The following RBFOX1 variants were observed in gnomAD, a reference collection of about 807,000 sequenced individuals.
RBFOX1 encodes RNA binding protein fox-1 homolog 1.
In RBFOX1, 8 loss-of-function variants were observed where a neutral mutation model predicts 57.7. The ratio of observed to expected loss-of-function variants is 0.14; its 90% CI spans 0.08 to 0.25. The LOEUF is 0.25. RBFOX1 is among the 10% of genes least tolerant of loss of function. RBFOX1 has a pLI of 1.00. For synonymous variants in RBFOX1, 326 were observed against 222.4 expected, an observed-to-expected ratio of 1.47 and a Z score of -4.15; for missense variants, 611 against 548.5, an observed-to-expected ratio of 1.11 and a Z score of -1.14.
chr16:7,335,751 T>C (rs1205524514), intron 4 of RBFOX1, among the ~76,000 whole-genome samples: 2 of 152,190 alleles, frequency 1.3e-5, no homozygotes, highest in Non-Finnish European at 2.9e-5. Context: ...CAATAATTGA[T>C]AGTTATCATC....
At chr16:7,014,636 T>C (rs1258637033) in intron 3 of RBFOX1, among the ~76,000 whole-genome samples, 2 of 152,154 alleles carry the variant, frequency 1.3e-5, no homozygotes, top group Non-Finnish European at 2.9e-5. Context: ...TGGGAAAATA[T>C]ATTTTGGATT....
At chr16:6,508,869 C>CAAAAAAAAAAAAAAAAAAAAA (rs34095008) in intron 2 of RBFOX1, among the ~76,000 whole-genome samples, 2 of 144,348 alleles carry the variant, frequency 1.4e-5, no homozygotes, top group African/African-American at 5.0e-5. Context: ...CGAATCATAA[C>CAAAAAAAAAAAAAAAAAAAAA]AAAAAAAAAA....
intron 2 of RBFOX1, among the ~76,000 whole-genome samples, chr16:5,482,430 G>A (rs942798234): frequency 1.3e-5 from 2 of 152,180 alleles, no homozygotes; most frequent in South Asian, 2.1e-4. Flanking sequence ...GGCAAATGGC[G>A]AGGTGCAAAT....
chr16:5,322,723 C>G (rs980827621), intron 1 of RBFOX1, among the ~76,000 whole-genome samples: 18 of 152,170 alleles, frequency 1.2e-4, no homozygotes, highest in South Asian at 2.1e-4. Flanking sequence ...CATGCGACTT[C>G]TAATGTATCA....
chr16:6,197,675 A>G (rs1417364488), intron 1 of RBFOX1, among the ~76,000 whole-genome samples: 1 of 149,678 alleles, frequency 6.7e-6, no homozygotes, highest in African/African-American at 2.5e-5. Flanking sequence ...AGGGGTTCAT[A>G]TGTTGTTTTC....
Position 7,667,876 on chromosome 16 carries a change from G to T in RBFOX1, c.930+2908G>T, listed in dbSNP as rs1005515274. The stretch of plus-strand genomic sequence containing the variant: ...TTTAGTAAAGACAGGATTTCACCAT[G>T]TTGGCCAGGGTGGTCTGGAACTCCT... On this transcript the variant is annotated intron_variant, in intron 13 of 15. Transcript: ENST00000550418. Among the ~76,000 whole-genome samples the T allele has an allele frequency of 1.1e-4, 16 of 152,190 alleles. No homozygotes were observed. The East Asian group carries it at 3.1e-3, about 30-fold the overall frequency.
At chr16:7,301,370 C>G (rs964967389) in intron 4 of RBFOX1, among the ~76,000 whole-genome samples, 3 of 152,174 alleles carry the variant, frequency 2.0e-5, no homozygotes, top group Admixed American at 6.5e-5. Flanking sequence ...GAGCCCGACT[C>G]CAAATAATTT....
Position 6,856,334 on chromosome 16 carries a change from C to T in RBFOX1, c.-15-195723C>T, listed in dbSNP as rs77784144. 3.3e-5 allele frequency among the ~76,000 whole-genome samples: 5 copies of T among 152,144 alleles called. No individual in the cohort carries two copies. In the East Asian group the frequency reaches 9.7e-4, roughly 30 times the overall value. ...TTCCCAATTCATATTGTTTTGAAGC[C>T]ACGTCTGAATTCTGAGTAACTAGGA... On this transcript the variant is annotated intron_variant, in intron 3 of 15. Transcript: ENST00000550418.
At chr16:6,027,172 C>G (rs2095212655) in intron 1 of RBFOX1, among the ~76,000 whole-genome samples, 1 of 152,138 alleles carries the variant, frequency 6.6e-6, no homozygotes, top group South Asian at 2.1e-4. Context: ...GGTTGGGACC[C>G]TAATAGCTAT....
At chr16:7,345,624 T>C (rs996804549) in intron 4 of RBFOX1, among the ~76,000 whole-genome samples, 3 of 151,962 alleles carry the variant, frequency 2.0e-5, no homozygotes, top group Admixed American at 2.0e-4. Context: ...AGCCGCCGAG[T>C]CCCCTCTCTG....
intron 3 of RBFOX1, among the ~76,000 whole-genome samples, chr16:5,860,795 G>C (rs2057193612): frequency 6.6e-6 from 1 of 152,108 alleles, no homozygotes; most frequent in Non-Finnish European, 1.5e-5. Context: ...AAAAAGCCAA[G>C]CTCCAGGGCT....
At chr16:6,487,144 CTGTGTGTGTGTGTGTG>C (rs60180975) in intron 2 of RBFOX1, among the ~76,000 whole-genome samples, 4 of 140,100 alleles carry the variant, frequency 2.9e-5, no homozygotes, top group African/African-American at 8.0e-5. Flanking sequence ...TGTGGGGTTT[CTGTGTGTGTGTGTGTG>C]TGTGTGTGTG....
chr16:5,897,466 G>C (rs919233288), intron 4 of RBFOX1, among the ~76,000 whole-genome samples: 4 of 152,124 alleles, frequency 2.6e-5, no homozygotes, highest in Non-Finnish European at 5.9e-5. Flanking sequence ...TACCTCATGG[G>C]AAACATATGA....
intron 1 of RBFOX1, among the ~76,000 whole-genome samples, chr16:6,121,313 A>C (rs2096547369): frequency 6.6e-6 from 1 of 152,172 alleles, no homozygotes; most frequent in African/African-American, 2.4e-5. Flanking sequence ...TATTCTTTAC[A>C]AGGTGCCCCA....
chr16:5,495,040 C>T (rs2042957892), intron 2 of RBFOX1, among the ~76,000 whole-genome samples: 1 of 152,144 alleles, frequency 6.6e-6, no homozygotes, highest in African/African-American at 2.4e-5. Flanking sequence ...AAAGACATAC[C>T]TCAGACTGGG....
At chr16:7,260,594 C>T (rs915503431) in intron 4 of RBFOX1, among the ~76,000 whole-genome samples, 2 of 152,162 alleles carry the variant, frequency 1.3e-5, no homozygotes, top group East Asian at 1.9e-4. Flanking sequence ...CATGTAGAGA[C>T]GCTATGTAGG....
chr16:7,460,389 ATGTGTG>A (rs1235047786), intron 4 of RBFOX1, among the ~76,000 whole-genome samples: 86 of 87,020 alleles, frequency 9.9e-4, no homozygotes, highest in South Asian at 2.3e-3. Flanking sequence ...ATATATATAT[ATGTGTG>A]TGTGTGTGTG....
At chr16:5,948,334 G>A (rs1460130024) in intron 4 of RBFOX1, among the ~76,000 whole-genome samples, 1 of 152,164 alleles carries the variant, frequency 6.6e-6, no homozygotes, top group African/African-American at 2.4e-5. Context: ...CATGGCCTTT[G>A]GCTCCTGGCC....
chr16:6,741,260 T>C (rs1397042949), intron 3 of RBFOX1, among the ~76,000 whole-genome samples: 1 of 152,116 alleles, frequency 6.6e-6, no homozygotes, highest in African/African-American at 2.4e-5. Context: ...ATTGAAAACA[T>C]AAAACTATAA....
Sources: gnomAD v4.1 joint callset for allele counts (sites outside exome capture counted in the v4.1 genomes callset) on GRCh38, gnomAD v4.1.1 for gene constraint, MANE v1.5 for transcripts, NCBI Gene and HGNC (gene_info 2026-07-23, HGNC 2026-07-21) for gene names.